STPG2: variants seen among roughly 807,000 people sequenced by gnomAD.
STPG2 encodes sperm tail PG-rich repeat containing 2.
Under a neutral mutation model 54.2 loss-of-function variants are expected in STPG2, and 56 were observed. The ratio of observed to expected loss-of-function variants is 1.03; its 90% CI spans 0.83 to 1.29. The LOEUF is 1.29. STPG2 is among the 50% of genes most tolerant of loss of function. The pLI is 0.00. For synonymous variants in STPG2, 200 were observed against 181.8 expected, an observed-to-expected ratio of 1.10 and a Z score of -0.81; for missense variants, 596 against 544.9, an observed-to-expected ratio of 1.09 and a Z score of -0.93.
At chr4:98,077,581 T>C (rs1170542319) in intron 5 of STPG2, among the ~76,000 whole-genome samples, 8 of 152,092 alleles carry the variant, frequency 5.3e-5, no homozygotes, top group Non-Finnish European at 1.0e-4. Context: ...CCAAAAAGTT[T>C]GAGAATTAGT....
intron 4 of STPG2, among the ~76,000 whole-genome samples, chr4:97,501,235 G>A (rs1490032709): frequency 1.3e-5 from 2 of 152,020 alleles, no homozygotes; most frequent in Non-Finnish European, 2.9e-5. Flanking sequence ...GTCTTAAAAG[G>A]TGGAAAATGT....
At chr4:97,912,598 A>G (rs1414811370) in intron 8 of STPG2, among the ~76,000 whole-genome samples, 1 of 152,236 alleles carries the variant, frequency 6.6e-6, no homozygotes, top group Admixed American at 6.5e-5. Flanking sequence ...CTGAAATGAG[A>G]CAGGCAAACA....
chr4:97,801,503 T>C (rs909948680), intron 9 of STPG2, among the ~76,000 whole-genome samples: 1 of 152,186 alleles, frequency 6.6e-6, no homozygotes, highest in Admixed American at 6.5e-5. Context: ...TGCACAACGA[T>C]TTCTTTTGCC....
intron 5 of STPG2, among the ~76,000 whole-genome samples, chr4:98,045,008 A>T (rs1737080119): frequency 6.6e-6 from 1 of 152,010 alleles, no homozygotes; most frequent in South Asian, 2.1e-4. Flanking sequence ...CTGTTGTAGC[A>T]GTGCCCTTCA....
chr4:97,910,374 T>A (rs1731631689), intron 8 of STPG2, among the ~76,000 whole-genome samples: 1 of 152,258 alleles, frequency 6.6e-6, no homozygotes, highest in African/African-American at 2.4e-5. Flanking sequence ...AAATCCTGCA[T>A]ATACTCCCAA....
chr4:97,729,231 T>C (rs912178448), intron 9 of STPG2, among the ~76,000 whole-genome samples: 9 of 152,104 alleles, frequency 5.9e-5, no homozygotes, highest in African/African-American at 2.2e-4. Context: ...GGAGGAGCTT[T>C]GAGTGACACT....
intron 4 of STPG2, among the ~76,000 whole-genome samples, chr4:97,498,087 A>G (rs1730648501): frequency 6.6e-6 from 1 of 151,942 alleles, no homozygotes; most frequent in Non-Finnish European, 1.5e-5. Flanking sequence ...CTTTCCTGAA[A>G]ACAAGGGTGT....
intron 9 of STPG2, among the ~76,000 whole-genome samples, chr4:97,790,844 T>C (rs1726968495): frequency 6.6e-6 from 1 of 152,170 alleles, no homozygotes; most frequent in African/African-American, 2.4e-5. Flanking sequence ...TTATTACATC[T>C]GTAAAACCCT....
chr4:97,864,494 T>C (rs1196646248), intron 8 of STPG2, among the ~76,000 whole-genome samples: 2 of 152,040 alleles, frequency 1.3e-5, no homozygotes, highest in African/African-American at 4.8e-5. Flanking sequence ...AGAATCAATA[T>C]CGTGAAAATG....
At chr4:97,991,443 G>GTGTGTT (rs1425854171) in intron 5 of STPG2, among the ~76,000 whole-genome samples, 2 of 142,340 alleles carry the variant, frequency 1.4e-5, no homozygotes, top group African/African-American at 5.0e-5. Context: ...GTGTGTGTGT[G>GTGTGTT]TGTGTGTGTG....
At chr4:97,790,299 A>G (rs1170841096) in intron 9 of STPG2, among the ~76,000 whole-genome samples, 1 of 152,154 alleles carries the variant, frequency 6.6e-6, no homozygotes, top group African/African-American at 2.4e-5. Flanking sequence ...AATATTGCCA[A>G]TTGTGTGAGT....
At chr4:97,495,281 A>C (rs2148829659) in intron 4 of STPG2, among the ~76,000 whole-genome samples, 1 of 151,512 alleles carries the variant, frequency 6.6e-6, no homozygotes, top group East Asian at 1.9e-4. Flanking sequence ...TAAGTCACCA[A>C]ATTTTATTTA....
chr4:98,050,854 A>T (rs930622701), intron 5 of STPG2, among the ~76,000 whole-genome samples: 1 of 151,986 alleles, frequency 6.6e-6, no homozygotes, highest in African/African-American at 2.4e-5. Flanking sequence ...AAATACAAAA[A>T]ATTAGCCGGG....
At chr4:97,817,923 T>TTATA (rs146389941) in intron 9 of STPG2, among the ~76,000 whole-genome samples, 3 of 150,002 alleles carry the variant, frequency 2.0e-5, no homozygotes, top group Admixed American at 1.3e-4. Context: ...CTACTCAGAA[T>TTATA]TATATATATA....
intron 5 of STPG2, among the ~76,000 whole-genome samples, chr4:98,087,449 T>C (rs970303387): frequency 1.3e-5 from 2 of 152,178 alleles, no homozygotes; most frequent in Non-Finnish European, 2.9e-5. Context: ...CTACACGTTT[T>C]CTACTTCTAC....
At chr4:97,484,656 T>G (rs1228116459) in intron 4 of STPG2, among the ~76,000 whole-genome samples, 1 of 151,810 alleles carries the variant, frequency 6.6e-6, no homozygotes, top group Non-Finnish European at 1.5e-5. Context: ...GTACCAATCC[T>G]TTTGACACTA....
At chr4:97,595,822 G>A (rs1336003704) in intron 10 of STPG2, among the ~76,000 whole-genome samples, 1 of 152,000 alleles carries the variant, frequency 6.6e-6, no homozygotes, top group Non-Finnish European at 1.5e-5. Context: ...ACACACTTAC[G>A]TACATAGACT....
chr4:97,587,831 A>T (rs891794275), intron 10 of STPG2, among the ~76,000 whole-genome samples: 22 of 152,136 alleles, frequency 1.4e-4, no homozygotes, highest in African/African-American at 5.3e-4. Flanking sequence ...CATTAGGGAT[A>T]ATCCTGACCC....
intron 9 of STPG2, among the ~76,000 whole-genome samples, chr4:97,731,304 C>T (rs1057369894): frequency 6.6e-6 from 1 of 152,102 alleles, no homozygotes; most frequent in Non-Finnish European, 1.5e-5. Flanking sequence ...TGGCTAGATT[C>T]CTGCATTGGG....
Sources: allele counts gnomAD v4.1 joint callset (sites outside exome capture counted in the v4.1 genomes callset), GRCh38; gene constraint gnomAD v4.1.1; transcripts MANE v1.5; gene names NCBI Gene and HGNC (gene_info 2026-07-23, HGNC 2026-07-21).